The following CCDC144A variants were observed in gnomAD, a reference collection of about 807,000 sequenced individuals.
CCDC144A encodes the protein coiled-coil domain-containing protein 144A.
A neutral mutation model predicts 143.8 loss-of-function variants in CCDC144A; 41 were observed. The ratio of observed to expected loss-of-function variants is 0.29; its 90% CI spans 0.22 to 0.37. The LOEUF is 0.37. Ranked by LOEUF, CCDC144A falls within the 10% of genes least tolerant of loss-of-function variation. CCDC144A has a pLI of 1.00. For synonymous variants in CCDC144A, 242 were observed against 517.9 expected (o/e 0.47, Z 7.23); for missense variants, 637 against 1,488.8 (o/e 0.43, Z 9.41).
At chr17:16,670,071 C>A in the CCDC144A span, among the ~76,000 whole-genome samples, 1 of 151,740 alleles carries the variant, frequency 6.6e-6, no homozygotes, top group Non-Finnish European at 1.5e-5. Flanking sequence ...ATCCCAGCTA[C>A]TCTGGAGGCT....
chr17:16,703,821 C>CA (rs893267374), intron 2 of CCDC144A, among the ~76,000 whole-genome samples: 4 of 151,856 alleles, frequency 2.6e-5, no homozygotes, highest in East Asian at 3.9e-4. Flanking sequence ...AACAAACGAA[C>CA]AAAAAAACAC....
At chr17:16,756,484 T>C (rs529577850) in intron 12 of CCDC144A, among the ~76,000 whole-genome samples, 1 of 150,414 alleles carries the variant, frequency 6.6e-6, no homozygotes, top group South Asian at 2.1e-4. Flanking sequence ...TCTTTTTCAT[T>C]GTTGAATTTC....
rs1434452747 is a variant in CCDC144A at position 16,707,473 on chromosome 17, A to G, written c.669A>G (p.Glu223=). Residue 223 remains glutamate (E), a synonymous_variant, in exon 4 of 17, where the codon GAA becomes GAG. Transcript: ENST00000399273. ...LPENKESKEA[E]QDSELTSEEE... is the part of the protein sequence containing the mutation. ...CTGAATGTTTGGATTTTGCAGCAGAACAAGACTCGGAGCTGACATCAGAGG... is the reference window on the plus strand; with the variant it reads ...CTGAATGTTTGGATTTTGCAGCAGAGCAAGACTCGGAGCTGACATCAGAGG... The G allele has an allele frequency of 4.4e-6, 7 of 1,606,654 alleles. No homozygotes were observed. Among genetic ancestry groups the G allele is most frequent in the Non-Finnish European group, 5.1e-6 (6 of 1,177,398 alleles).
At chr17:16,720,848 C>T (rs1271391200) in intron 8 of CCDC144A, among the ~76,000 whole-genome samples, 190 bp downstream of exon 8, 1 of 152,160 alleles carries the variant, frequency 6.6e-6, no homozygotes, top group African/African-American at 2.4e-5. Context: ...GTGTGAGTGG[C>T]ATTCCCAGTC....
At chr17:16,746,566 A>G (rs2003884) in intron 12 of CCDC144A, 178,980 of 1,610,050 alleles carry the variant, frequency 0.11, 4,431 homozygotes, top group Non-Finnish European at 0.13. Flanking sequence ...CAAGGAAGAT[A>G]TATCCATCAA....
At chr17:16,676,215 G>A in the CCDC144A span, among the ~76,000 whole-genome samples, 1 of 151,990 alleles carries the variant, frequency 6.6e-6, no homozygotes, top group Non-Finnish European at 1.5e-5. Context: ...AAATAAGAGT[G>A]TATAATAGTT....
At chr17:16,737,162 CTTTTTTTT>C (rs757856458) in intron 12 of CCDC144A, among the ~76,000 whole-genome samples, 1 of 102,666 alleles carries the variant, frequency 9.7e-6, no homozygotes, top group Admixed American at 1.1e-4. Context: ...AGAGTTAAAT[CTTTTTTTT>C]TTTTTTTTTT....
chr17:16,748,386 A>G (rs1370386093), intron 12 of CCDC144A, among the ~76,000 whole-genome samples: 1 of 152,228 alleles, frequency 6.6e-6, no homozygotes, highest in East Asian at 1.9e-4. Flanking sequence ...TTATGTGGTG[A>G]AACACATTTA....
intron 2 of CCDC144A, among the ~76,000 whole-genome samples, chr17:16,696,900 T>G (rs1392875466): frequency 6.6e-6 from 1 of 151,336 alleles, no homozygotes; most frequent in Non-Finnish European, 1.5e-5. Context: ...GCTGAAAGGG[T>G]GGCTTTTCTT....
At chr17:16,711,869 C>T (rs771359335) in intron 6 of CCDC144A, 54 bp downstream of exon 6, 96 of 1,551,056 alleles carry the variant, frequency 6.2e-5, no homozygotes, top group African/African-American at 8.2e-5. Context: ...TGGTGGCTCA[C>T]GCCTGTAATC....
At position 16,762,312 on chromosome 17, in the gene CCDC144A, GA is replaced by G. The variant is rs1915410416; in HGVS notation, c.3669del (p.Lys1223AsnfsTer10). 1 of 1,587,848 alleles carries G rather than the reference GA, an allele frequency of 6.3e-7. No homozygotes were observed. The highest frequency in any genetic ancestry group is 1.2e-5 in the South Asian group (1 of 86,514). On this transcript the variant is annotated frameshift_variant and splice_region_variant, in exon 14 of 17. Coordinates refer to ENST00000399273, the MANE Select transcript of CCDC144A (RefSeq NM_001382000.1). LOFTEE classifies it high-confidence loss of function. ...KLNEAILTLQKQAAVSHEQLV... is the reference protein window; with the variant it reads ...KLNEAILTLQXQAAVSHEQLV... Reference sequence around the variant, plus strand: ...AAATGTTCCCTTTTAATTTATTTTAGAAACAAGCAGCAGTATCTCATGAACA... The same window carrying G: ...AAATGTTCCCTTTTAATTTATTTTAGAACAAGCAGCAGTATCTCATGAACA...
At chr17:16,757,698 T>C (rs1915161544) in intron 12 of CCDC144A, among the ~76,000 whole-genome samples, 2 of 152,208 alleles carry the variant, frequency 1.3e-5, no homozygotes, top group South Asian at 4.1e-4. Context: ...CCTAAAGGTA[T>C]GTACAGGTAT....
At chr17:16,740,313 A>G (rs1177146112) in intron 12 of CCDC144A, among the ~76,000 whole-genome samples, 1 of 152,148 alleles carries the variant, frequency 6.6e-6, no homozygotes, top group Admixed American at 6.5e-5. Flanking sequence ...ATTCTCAGAA[A>G]CCAGAGTTCC....
At position 16,711,066 on chromosome 17, in the gene CCDC144A, GC is replaced by G. The variant is rs535958878; in HGVS notation, c.1579-612del. Among the ~76,000 whole-genome samples the G allele has an allele frequency of 1.5e-4, 20 of 132,882 alleles. No individual in the cohort carries two copies. In the South Asian group the frequency reaches 4.6e-3, roughly 30 times the overall value. 87.2% of individuals were successfully genotyped at this position (132,882 alleles called of 152,430 possible). A position where few individuals can be genotyped will look rare whatever the true frequency, so the allele number is the denominator to read the frequency against. On this transcript the variant is annotated intron_variant, in intron 5 of 16. Transcript: ENST00000399273. ...CACCCTAGCTCAGCAGTTTCACTCT[GC>G]TTTTTGTGTTGTGGCAGACTTGTAT...
chr17:16,758,881 A>C (rs1915225229), intron 12 of CCDC144A, among the ~76,000 whole-genome samples: 1 of 152,114 alleles, frequency 6.6e-6, no homozygotes, highest in South Asian at 2.1e-4. Flanking sequence ...TTGTCATTGG[A>C]AAAACCACTT....
intron 6 of CCDC144A, among the ~76,000 whole-genome samples, chr17:16,716,872 G>A (rs1597552050): frequency 6.8e-6 from 1 of 146,784 alleles, no homozygotes; most frequent in East Asian, 2.0e-4. Flanking sequence ...GGAGTGCAGT[G>A]GCACCATCTC....
At chr17:16,751,403 A>G (rs1260827833) in intron 12 of CCDC144A, among the ~76,000 whole-genome samples, 2 of 152,116 alleles carry the variant, frequency 1.3e-5, no homozygotes, top group African/African-American at 4.8e-5. Flanking sequence ...TCAGTCTGCA[A>G]TCCAGGAGAT....
upstream of CCDC144A, among the ~76,000 whole-genome samples, chr17:16,686,853 G>C (rs1910803778): frequency 1.3e-5 from 2 of 152,058 alleles, no homozygotes; most frequent in South Asian, 2.1e-4. Context: ...AACTGTGACT[G>C]ATGGCCTCAG....
chr17:16,739,411 T>G (rs1914160880), intron 12 of CCDC144A, among the ~76,000 whole-genome samples: 2 of 149,386 alleles, frequency 1.3e-5, no homozygotes, highest in African/African-American at 5.0e-5. Flanking sequence ...CAGCCTCCTT[T>G]TCACTTTCTT....
Sources: allele counts gnomAD v4.1 joint callset (sites outside exome capture counted in the v4.1 genomes callset), GRCh38; gene constraint gnomAD v4.1.1; transcripts MANE v1.5; gene names NCBI Gene and HGNC (gene_info 2026-07-23, HGNC 2026-07-21).